Variants in C1orf52 observed in about 807,000 individuals in gnomAD.
C1orf52 encodes chromosome 1 open reading frame 52, also known as UPF0690 protein C1orf52.
In C1orf52, 5 loss-of-function variants were observed where a neutral mutation model predicts 17.2. The observed-to-expected ratio is 0.29, with a 90% CI of 0.15 to 0.61. C1orf52 has a LOEUF of 0.61. C1orf52 is among the 20% of genes least tolerant of loss of function. The probability of loss-of-function intolerance (pLI) is 0.85; values close to 1 mark genes in which losing one functional copy is unlikely to be tolerated. For missense variants in C1orf52, 245 were observed against 234.1 expected, an observed-to-expected ratio of 1.05 and a Z score of -0.30; for synonymous variants, 110 against 88.0, an observed-to-expected ratio of 1.25 and a Z score of -1.40.
In C1orf52 at chr1:85,258,517, T is replaced by C; in HGVS notation, c.475+7A>G. 6.2e-7 allele frequency: 1 copy of C among 1,611,346 alleles called. No individual in the cohort carries two copies. The highest frequency in any genetic ancestry group is 8.5e-7 in the Non-Finnish European group (1 of 1,178,362). ...ATAGACCACCATCGGATTCTGACTTTCCTTACCTGATTCCAACGTCTCCTC... is the reference window on the plus strand; with the variant it reads ...ATAGACCACCATCGGATTCTGACTTCCCTTACCTGATTCCAACGTCTCCTC... On this transcript the variant is annotated splice_region_variant and intron_variant, in intron 2 of 2. Transcript: ENST00000471115.
chr1:85,257,413 C>A (rs566752047), intron 2 of C1orf52: 1 of 714,868 alleles, frequency 1.4e-6, no homozygotes, highest in African/African-American at 1.8e-5. Context: ...TAAGGTGCAA[C>A]GTATACTGAA....
At chr1:85,259,158 G>T (rs1448468833) in intron 1 of C1orf52, 200 bp downstream of exon 1, 2 of 1,156,792 alleles carry the variant, frequency 1.7e-6, no homozygotes, top group Non-Finnish European at 2.4e-6. Flanking sequence ...ACAAGGGGCG[G>T]GGCTGCGGGT....
At chr1:85,259,074 GGGC>G in intron 1 of C1orf52, 2 of 1,348,660 alleles carry the variant, frequency 1.5e-6, no homozygotes, top group Non-Finnish European at 1.9e-6. Flanking sequence ...GCAGCGGGGG[GGGC>G]GGGGGAGTCA....
At position 85,259,459 on chromosome 1, in the gene C1orf52, G is replaced by A; in HGVS notation, c.175C>T (p.Pro59Ser). 1.2e-6 allele frequency: 2 copies of A among 1,613,990 alleles called. No homozygotes were observed. The highest frequency in any genetic ancestry group is 1.7e-6 in the Non-Finnish European group (2 of 1,180,016). Residue 59 changes from proline (P) to serine (S), a missense_variant, in exon 1 of 3, where the codon CCT becomes TCT. Transcript: ENST00000471115. ...RNKAEKRLPG[P>S]DELFRSVTRP... The stretch of plus-strand genomic sequence containing the variant: ...GTCACGCTCCTAAACAGCTCGTCAG[G>A]TCCCGGGAGCCGCTTCTCCGCCTTG...
At chr1:85,256,018 GT>G (rs1245393640) in intron 2 of C1orf52, among the ~76,000 whole-genome samples, 1 of 152,114 alleles carries the variant, frequency 6.6e-6, no homozygotes, top group Non-Finnish European at 1.5e-5. Context: ...TATAATCCTG[GT>G]TTTTTCCATA....
chr1:85,255,356 C>T (rs1321443029), intron 2 of C1orf52, among the ~76,000 whole-genome samples: 2 of 152,152 alleles, frequency 1.3e-5, no homozygotes, highest in Non-Finnish European at 2.9e-5. Flanking sequence ...TCGAGACCAC[C>T]CTGGCCAACA....
chr1:85,253,684 C>T (rs920857893), intron 2 of C1orf52, among the ~76,000 whole-genome samples: 10 of 151,972 alleles, frequency 6.6e-5, no homozygotes, highest in African/African-American at 1.9e-4. Context: ...GTATCTGTAG[C>T]CACAGAAAAT....
rs1660038136 is a variant in C1orf52, at chr1:85,259,558, C to T, written c.76G>A (p.Glu26Lys). Residue 26 changes from glutamate to lysine, a missense_variant, in exon 1 of 3, where the codon GAG (glutamate) becomes AAG (lysine). Physicochemically the swap from Glu to Lys is moderately conservative, Grantham distance 56 (BLOSUM62 1). Transcript: ENST00000471115. ...GTCTCCTCCGGCTCGATGTTATCCT[C>T]CTCGTCCGAGGAGCCTGAGCTGCTG... ...GSSSSGSSDE[E>K]DNIEPEETSR... The T allele has an allele frequency of 6.2e-7, 1 of 1,613,076 alleles. No individual in the cohort carries two copies. Among genetic ancestry groups the T allele is most frequent in the African/African-American group, 1.3e-5 (1 of 74,908 alleles).
At chr1:85,257,184 A>G (rs969461494) in intron 2 of C1orf52, among the ~76,000 whole-genome samples, 2 of 152,270 alleles carry the variant, frequency 1.3e-5, no homozygotes, top group Non-Finnish European at 2.9e-5. Flanking sequence ...TACTCGATAC[A>G]AACACTTCAA....
intron 2 of C1orf52, among the ~76,000 whole-genome samples, chr1:85,252,942 T>C (rs771174274): frequency 7.9e-5 from 12 of 152,166 alleles, no homozygotes; most frequent in Non-Finnish European, 1.8e-4. Flanking sequence ...ACTCTTTAGG[T>C]GCTATACTAA....
At chr1:85,259,178 C>T in intron 1 of C1orf52, 180 bp downstream of exon 1, 1 of 1,136,450 alleles carries the variant, frequency 8.8e-7, no homozygotes. Context: ...TCCGGTCTAA[C>T]ACCCACCAGG....
chr1:85,250,972 G>A lies in C1orf52; in HGVS notation c.*1657C>T, dbSNP rs756190147. 2.0e-5 allele frequency: 3 copies of A among 152,174 alleles called. No individual in the cohort carries two copies. The highest frequency in any genetic ancestry group is 4.4e-5 in the Non-Finnish European group (3 of 68,036). 9.4% of individuals were successfully genotyped at this position (152,174 alleles called of 1,614,324 possible). On this transcript the variant is annotated 3_prime_UTR_variant, in exon 3 of 3. Transcript: ENST00000471115. Reference sequence around the variant, plus strand: ...GGATTCATATATTTGCAAACCTGGAGGATGGGCAGCTATAGAATTGGTTTT... The same window carrying A: ...GGATTCATATATTTGCAAACCTGGAAGATGGGCAGCTATAGAATTGGTTTT...
intron 1 of C1orf52, 143 bp downstream of exon 1, chr1:85,259,215 G>A: frequency 8.2e-7 from 1 of 1,212,276 alleles, no homozygotes; most frequent in Non-Finnish European, 1.1e-6. Flanking sequence ...GGTTTCCCAG[G>A]GCTTGAGGTG....
At chr1:85,258,778 C>A (rs1660014244) in intron 1 of C1orf52, 56 bp from the exon 2 acceptor site, 1 of 1,489,590 alleles carries the variant, frequency 6.7e-7, no homozygotes, top group Admixed American at 2.2e-5. Context: ...CTACGATGGA[C>A]GTGGGCACAT....
intron 1 of C1orf52, chr1:85,259,008 G>A: frequency 7.4e-7 from 1 of 1,359,344 alleles, no homozygotes. Context: ...ACACTGTCTT[G>A]GAGGCAGCAC....
At chr1:85,257,993 G>C (rs146337460) in intron 2 of C1orf52, among the ~76,000 whole-genome samples, 2 of 151,970 alleles carry the variant, frequency 1.3e-5, no homozygotes, top group Non-Finnish European at 2.9e-5. Context: ...GGTGGCAGGC[G>C]CCTGTAATCC....
At chr1:85,252,807 TTAA>T in intron 2 of C1orf52, 105 bp from the exon 3 acceptor site, 2 of 689,828 alleles carry the variant, frequency 2.9e-6, no homozygotes, top group Non-Finnish European at 4.9e-6. Flanking sequence ...CCCTCATCAA[TTAA>T]TGTTTCTCTC....
intron 2 of C1orf52, among the ~76,000 whole-genome samples, chr1:85,254,467 T>C (rs1023942492): frequency 3.3e-5 from 5 of 151,580 alleles, no homozygotes; most frequent in Admixed American, 2.0e-4. Context: ...TCTCAGCTCA[T>C]TGTAATCTCC....
chr1:85,256,521 C>T (rs941722735), intron 2 of C1orf52, among the ~76,000 whole-genome samples: 11 of 152,006 alleles, frequency 7.2e-5, no homozygotes, highest in Non-Finnish European at 1.2e-4. Flanking sequence ...AAGGAATGGC[C>T]GGGCACGGTG....
Sources: gnomAD v4.1 joint callset for allele counts (sites outside exome capture counted in the v4.1 genomes callset) on GRCh38, gnomAD v4.1.1 for gene constraint, MANE v1.5 for transcripts, NCBI Gene and HGNC (gene_info 2026-07-23, HGNC 2026-07-21) for gene names.